The following GPR39 variants were observed in gnomAD, a reference collection of about 807,000 sequenced individuals.
The protein encoded by GPR39 is G protein-coupled receptor 39, also known as zinc sensing receptor.
GPR39 carries 23 observed loss-of-function variants against 18.4 expected under a neutral mutation model. The observed-to-expected ratio is 1.25, with a 90% CI of 0.90 to 1.77. GPR39 has a LOEUF of 1.77. Among genes scored for constraint, GPR39 ranks in the 40% most tolerant of loss-of-function variants. GPR39 has a pLI of 0.00. For missense variants in GPR39, 647 were observed against 602.4 expected (o/e 1.07, Z -0.78); for synonymous variants, 280 against 257.9 (o/e 1.09, Z -0.82).
chr2:132,427,150 A>G (rs1372641708), intron 1 of GPR39, among the ~76,000 whole-genome samples: 1 of 76,974 alleles, frequency 1.3e-5, no homozygotes, highest in Admixed American at 1.3e-4. Flanking sequence ...ATATATATAT[A>G]TATATATATA....
Position 132,645,217 on chromosome 2 carries a change from C to A in GPR39, c.973C>A (p.Leu325Ile). 2 of 1,614,196 alleles carry A rather than the reference C, an allele frequency of 1.2e-6. No homozygotes were observed. Among genetic ancestry groups the A allele is most frequent in the Non-Finnish European group, 1.7e-6 (2 of 1,180,042 alleles). The change falls in exon 2 of 2, where the codon CTC (leucine) becomes ATC (isoleucine). Residue 325 changes from leucine to isoleucine, a missense_variant. Leu to Ile is a conservative substitution (Grantham distance 5). This residue lies in a region of GPR39 where 581 missense variants were observed against 506.8 expected (regional missense o/e 1.15). Coordinates refer to ENST00000329321, the MANE Select transcript of GPR39 (RefSeq NM_001508.3). ...GTCCTACTTCCGGGCGTACATGATC[C>A]TCCTCCCCTTCTCGGAGACGTTTTT... ...TRSYFRAYMI[L>I]LPFSETFFYL...
chr2:132,546,377 G>T (rs543174617), intron 1 of GPR39, among the ~76,000 whole-genome samples: 1 of 152,326 alleles, frequency 6.6e-6, no homozygotes, highest in South Asian at 2.1e-4. Flanking sequence ...GTAGGGACAA[G>T]AACTGGACAG....
intron 1 of GPR39, among the ~76,000 whole-genome samples, chr2:132,492,376 A>G (rs1255718039): frequency 6.9e-6 from 1 of 144,442 alleles, no homozygotes; most frequent in African/African-American, 2.5e-5. Flanking sequence ...CCATATATAT[A>G]CATACCATAT....
chr2:132,535,404 A>G (rs1304262569), intron 1 of GPR39, among the ~76,000 whole-genome samples: 1 of 152,210 alleles, frequency 6.6e-6, no homozygotes, highest in East Asian at 1.9e-4. Flanking sequence ...CTTGCATCTC[A>G]GGGATGAAGC....
chr2:132,418,656 A>G (rs1679955059), intron 1 of GPR39: 2 of 152,194 alleles, frequency 1.3e-5, no homozygotes, highest in Admixed American at 6.5e-5. Context: ...TTGTGATACA[A>G]GTATTTAAAG....
chr2:132,605,880 C>T (rs896866396), intron 1 of GPR39, among the ~76,000 whole-genome samples: 13 of 152,224 alleles, frequency 8.5e-5, no homozygotes, highest in African/African-American at 2.9e-4. Context: ...AATTGAGATG[C>T]TGAGCTGTCG....
rs1335246011 is a variant in GPR39, at chr2:132,417,224, A to G, written c.182A>G (p.Lys61Arg). 1 of 1,614,146 alleles carries G rather than the reference A, an allele frequency of 6.2e-7. No individual in the cohort carries two copies. Among genetic ancestry groups the G allele is most frequent in the Admixed American group, 1.7e-5 (1 of 60,024 alleles). ...TIRVTQVLQK[K>R]GYLQKEVTDH... is the part of the protein sequence containing the mutation. ...CGGGTCACCCAGGTGCTGCAGAAGA[A>G]AGGATACTTGCAGAAGGAGGTGACA... The change falls in exon 1 of 2, where the codon AAA becomes AGA. Residue 61 changes from lysine (K) to arginine (R), a missense_variant. Lys to Arg is a conservative substitution (Grantham distance 26). Around this residue, in one of 3 missense-constraint regions of GPR39, gnomAD observed 61 missense variants for 79.2 expected, o/e 0.77. Transcript: ENST00000329321.
chr2:132,566,978 G>T (rs112258015), intron 1 of GPR39, among the ~76,000 whole-genome samples: 1 of 152,268 alleles, frequency 6.6e-6, no homozygotes, highest in African/African-American at 2.4e-5. Flanking sequence ...GCTGTGGTTT[G>T]AATGTTTACC....
rs114202235 is a variant in GPR39 at position 132,643,338 on chromosome 2, A to C, written c.857-1763A>C. On this transcript the variant is annotated intron_variant, in intron 1 of 1. Coordinates refer to ENST00000329321, the MANE Select transcript of GPR39 (RefSeq NM_001508.3). ...TTTAGGCTGGGAGTTGACAGGAGAA[A>C]CCTGTGGAAATTAACAAAGGAGAAG... Among the ~76,000 whole-genome samples the C allele has an allele frequency of 9.1e-3, 1,385 of 152,314 alleles. 19 individuals carry two copies. Among genetic ancestry groups the C allele is most frequent in the African/African-American group, 0.03 (1,255 of 41,566 alleles).
At chr2:132,537,908 T>G (rs1356402852) in intron 1 of GPR39, among the ~76,000 whole-genome samples, 2 of 152,012 alleles carry the variant, frequency 1.3e-5, no homozygotes, top group African/African-American at 4.8e-5. Context: ...GTCATTTATG[T>G]TCCTCTCTAA....
At chr2:132,537,819 C>T (rs1367200261) in intron 1 of GPR39, among the ~76,000 whole-genome samples, 1 of 151,750 alleles carries the variant, frequency 6.6e-6, no homozygotes, top group Admixed American at 6.6e-5. Flanking sequence ...GATATCCTTT[C>T]TTCTGCTTGA....
At chr2:132,612,855 T>A (rs1388596192) in intron 1 of GPR39, among the ~76,000 whole-genome samples, 1 of 152,220 alleles carries the variant, frequency 6.6e-6, no homozygotes, top group Admixed American at 6.5e-5. Flanking sequence ...CTACAAAATA[T>A]GTGCTAGGAT....
rs143740340 is a variant in GPR39, at chr2:132,497,691, C to T, written c.856+79793C>T. On this transcript the variant is annotated intron_variant, in intron 1 of 1. Coordinates refer to ENST00000329321, the MANE Select transcript of GPR39 (RefSeq NM_001508.3). ...ACTTATTATGCCATCACCTGGAGTG[C>T]ATATGAATAAATTCCTGCTGCTACT... Among the ~76,000 whole-genome samples, 31 of 152,304 alleles carry T rather than the reference C, an allele frequency of 2.0e-4. No homozygotes were observed. The East Asian group carries it at 5.6e-3, about 27-fold the overall frequency.
chr2:132,490,633 T>C (rs1022155770), intron 1 of GPR39, among the ~76,000 whole-genome samples: 1 of 151,826 alleles, frequency 6.6e-6, no homozygotes, highest in Non-Finnish European at 1.5e-5. Flanking sequence ...GACCTGGGAA[T>C]GTGAGGCAGG....
At chr2:132,493,288 C>CAT (rs1230844475) in intron 1 of GPR39, among the ~76,000 whole-genome samples, 8 of 142,140 alleles carry the variant, frequency 5.6e-5, no homozygotes, top group Non-Finnish European at 7.6e-5. Flanking sequence ...CCATATATAC[C>CAT]ATATATATAC....
chr2:132,484,746 G>A (rs1489111345), intron 1 of GPR39, among the ~76,000 whole-genome samples: 1 of 152,188 alleles, frequency 6.6e-6, no homozygotes, highest in Non-Finnish European at 1.5e-5. Context: ...CTTTTTATAA[G>A]AATTCACACA....
intron 1 of GPR39, among the ~76,000 whole-genome samples, chr2:132,472,063 T>C (rs957061192): frequency 1.3e-5 from 2 of 152,086 alleles, no homozygotes; most frequent in African/African-American, 2.4e-5. Context: ...TGTTGACAAA[T>C]TGGGCATTCA....
intron 1 of GPR39, among the ~76,000 whole-genome samples, chr2:132,484,758 C>T (rs1681299000): frequency 6.6e-6 from 1 of 152,130 alleles, no homozygotes; most frequent in African/African-American, 2.4e-5. Flanking sequence ...ATTCACACAC[C>T]CTCACACAGT....
intron 1 of GPR39, among the ~76,000 whole-genome samples, chr2:132,628,651 C>A (rs1324842493): frequency 6.6e-6 from 1 of 152,080 alleles, no homozygotes; most frequent in Non-Finnish European, 1.5e-5. Flanking sequence ...GTACCATTAC[C>A]CTAGAAAACC....
Sources: allele counts gnomAD v4.1 joint callset (sites outside exome capture counted in the v4.1 genomes callset), GRCh38; gene constraint gnomAD v4.1.1; regional missense constraint gnomAD v4.1.1; transcripts MANE v1.5; gene names NCBI Gene and HGNC (gene_info 2026-07-23, HGNC 2026-07-21).